NTM: variants seen among roughly 807,000 people sequenced by gnomAD.
The protein encoded by NTM is IgLON family member 2.
Under a neutral mutation model 42.1 loss-of-function variants are expected in NTM, and 13 were observed. The observed-to-expected ratio is 0.31, with a 90% CI of 0.20 to 0.49. The LOEUF (loss-of-function observed/expected upper bound fraction) is 0.49. NTM is among the 20% of genes least tolerant of loss of function. The pLI is 0.99. For missense variants in NTM, 373 were observed against 452.8 expected, an observed-to-expected ratio of 0.82 and a Z score of 1.60; for synonymous variants, 187 against 179.2, an observed-to-expected ratio of 1.04 and a Z score of -0.35.
intron 1 of NTM, among the ~76,000 whole-genome samples, chr11:131,818,161 C>T (rs554427751): frequency 3.3e-4 from 50 of 152,260 alleles, no homozygotes; most frequent in African/African-American, 1.2e-3. Context: ...CGCTGCAGTG[C>T]ATCCTTTACA....
At chr11:131,574,631 A>T (rs2057762468) in intron 1 of NTM, among the ~76,000 whole-genome samples, 1 of 151,348 alleles carries the variant, frequency 6.6e-6, no homozygotes, top group Non-Finnish European at 1.5e-5. Context: ...GATGGCTGGG[A>T]TCCTGTCCAG....
chr11:131,942,895 G>A lies in NTM; in HGVS notation c.167+31247G>A, dbSNP rs115346881. ...TGGAAGGTGGAGGTTGTGGTGGGCC[G>A]AGATCTGGCCACCGCACTCCAGTCG... On this transcript the variant is annotated intron_variant, in intron 2 of 8. Coordinates refer to ENST00000683400, the MANE Select transcript of NTM (RefSeq NM_001352005.2). Among the ~76,000 whole-genome samples the A allele has an allele frequency of 6.6e-3, 1,001 of 151,728 alleles. 8 individuals carry two copies. Among genetic ancestry groups the A allele is most frequent in the African/African-American group, 0.023 (947 of 41,326 alleles).
intron 1 of NTM, chr11:131,371,129 T>C: frequency 2.0e-6 from 2 of 983,434 alleles, no homozygotes; most frequent in Non-Finnish European, 2.4e-6. Context: ...TTGGTGCTCC[T>C]GTTAGGACTG....
intron 1 of NTM, among the ~76,000 whole-genome samples, chr11:131,905,286 G>T (rs567062308): frequency 2.6e-5 from 4 of 152,242 alleles, no homozygotes; most frequent in Admixed American, 2.6e-4. Context: ...CCAAGGTCAC[G>T]GTCCTTCTTA....
chr11:132,036,290 G>T (rs796774712), intron 2 of NTM, among the ~76,000 whole-genome samples: 1 of 152,096 alleles, frequency 6.6e-6, no homozygotes, highest in African/African-American at 2.4e-5. Context: ...CCTCCCCTAG[G>T]CTCCAAGTTC....
chr11:131,953,921 T>G (rs929798483), intron 2 of NTM, among the ~76,000 whole-genome samples: 2 of 152,176 alleles, frequency 1.3e-5, no homozygotes, highest in Non-Finnish European at 2.9e-5. Context: ...AGCCACTCCG[T>G]GGAGATGGAG....
chr11:131,722,755 T>C (rs1321452444), intron 1 of NTM, among the ~76,000 whole-genome samples: 1 of 152,212 alleles, frequency 6.6e-6, no homozygotes, highest in Non-Finnish European at 1.5e-5. Flanking sequence ...TTAGCTGGCC[T>C]GGAACACCAG....
At chr11:131,980,996 T>C (rs1361872533) in intron 2 of NTM, 1 of 152,240 alleles carries the variant, frequency 6.6e-6, no homozygotes, top group African/African-American at 2.4e-5. Flanking sequence ...AGTTGGGACC[T>C]GTGGGGTGTG....
At chr11:131,648,813 T>C (rs942724571) in intron 1 of NTM, among the ~76,000 whole-genome samples, 6 of 152,124 alleles carry the variant, frequency 3.9e-5, no homozygotes, top group Non-Finnish European at 5.9e-5. Flanking sequence ...TACTAAAGGG[T>C]GGGAAGATAT....
At chr11:131,421,498 G>A (rs1385987297) in intron 1 of NTM, among the ~76,000 whole-genome samples, 4 of 152,158 alleles carry the variant, frequency 2.6e-5, no homozygotes, top group Admixed American at 1.3e-4. Context: ...TAATGATCTG[G>A]TAACCCTCCA....
intron 7 of NTM, among the ~76,000 whole-genome samples, chr11:132,321,070 T>C (rs2095557339): frequency 6.6e-6 from 1 of 151,414 alleles, no homozygotes; most frequent in Non-Finnish European, 1.5e-5. Context: ...ACCACAAAGA[T>C]GGGGAAAAAA....
chr11:131,756,329 A>G (rs1380548622), intron 1 of NTM, among the ~76,000 whole-genome samples: 1 of 152,120 alleles, frequency 6.6e-6, no homozygotes, highest in African/African-American at 2.4e-5. Context: ...CACACCTGTA[A>G]TTCCAGCATT....
At chr11:132,024,515 T>C (rs1287389548) in intron 2 of NTM, among the ~76,000 whole-genome samples, 1 of 152,194 alleles carries the variant, frequency 6.6e-6, no homozygotes, top group African/African-American at 2.4e-5. Flanking sequence ...ACTGTATTGT[T>C]TTGGATTTTT....
At chr11:131,374,433 G>C (rs913287882) in intron 1 of NTM, among the ~76,000 whole-genome samples, 4 of 152,212 alleles carry the variant, frequency 2.6e-5, no homozygotes, top group Non-Finnish European at 5.9e-5. Context: ...TCCTGGTCCT[G>C]ATTCTTCCCT....
chr11:131,876,860 CTTTT>C (rs112400063), intron 1 of NTM, among the ~76,000 whole-genome samples: 1 of 143,514 alleles, frequency 7.0e-6, no homozygotes. Flanking sequence ...CAAAGCATAA[CTTTT>C]TTTTTTTTTT....
intron 3 of NTM, among the ~76,000 whole-genome samples, chr11:132,175,971 T>C (rs2076749156): frequency 6.6e-6 from 1 of 152,212 alleles, no homozygotes; most frequent in South Asian, 2.1e-4. Context: ...ACTGTATCTC[T>C]TGAAGACAGG....
chr11:132,137,563 C>G (rs1308221920), intron 2 of NTM, among the ~76,000 whole-genome samples: 1 of 152,178 alleles, frequency 6.6e-6, no homozygotes, highest in African/African-American at 2.4e-5. Context: ...CATCCTCAAA[C>G]TGGGTAATTT....
intron 1 of NTM, among the ~76,000 whole-genome samples, chr11:131,801,861 A>G (rs1299030629): frequency 6.6e-6 from 1 of 152,032 alleles, no homozygotes; most frequent in East Asian, 1.9e-4. Context: ...AGCTGGGCCC[A>G]TCTTTCCTGA....
chr11:131,767,067 G>C, intron 1 of NTM: 6 of 675,862 alleles, frequency 8.9e-6, no homozygotes, highest in Non-Finnish European at 1.1e-5. Flanking sequence ...TCATCTCTCT[G>C]TGTGTGTCTG....
Sources: allele counts gnomAD v4.1 joint callset (sites outside exome capture counted in the v4.1 genomes callset), GRCh38; gene constraint gnomAD v4.1.1; transcripts MANE v1.5; gene names NCBI Gene and HGNC (gene_info 2026-07-23, HGNC 2026-07-21).